LRRC37A2: variants seen among roughly 807,000 people sequenced by gnomAD.
LRRC37A2 encodes leucine-rich repeat-containing protein 37A2.
LRRC37A2 carries 9 observed loss-of-function variants against 68.8 expected under a neutral mutation model. That is an observed-to-expected ratio of 0.13 (90% CI 0.08 to 0.23). The LOEUF (loss-of-function observed/expected upper bound fraction) is 0.23. Among genes scored for constraint, LRRC37A2 ranks in the 10% least tolerant of loss-of-function variants. The pLI is 1.00. For synonymous variants in LRRC37A2, 63 were observed against 367.6 expected (o/e 0.17, Z 9.48); for missense variants, 168 against 950.4 (o/e 0.18, Z 10.82).
At chr17:46,815,937 C>CA in the LRRC37A2 span, among the ~76,000 whole-genome samples, 1 of 152,184 alleles carries the variant, frequency 6.6e-6, no homozygotes, top group Non-Finnish European at 1.5e-5. Context: ...CTGGGCCCAG[C>CA]ACCTGGGGAC....
At chr17:46,530,479 G>A (rs1180666777) in intron 6 of LRRC37A2, among the ~76,000 whole-genome samples, 2 of 132,314 alleles carry the variant, frequency 1.5e-5, no homozygotes, top group Non-Finnish European at 3.2e-5. Flanking sequence ...CACAAGGCAG[G>A]ACAAGCTGTG....
At chr17:46,869,011 C>T in the LRRC37A2 span, among the ~76,000 whole-genome samples, 1 of 152,186 alleles carries the variant, frequency 6.6e-6, no homozygotes, top group East Asian at 1.9e-4. Flanking sequence ...CAAACTGCAA[C>T]ACAGAAAATA....
the LRRC37A2 span, among the ~76,000 whole-genome samples, chr17:46,820,279 T>C: frequency 6.6e-6 from 1 of 151,872 alleles, no homozygotes; most frequent in Admixed American, 6.6e-5. Context: ...GGGCTTGTCA[T>C]GGCTCCTGCT....
chr17:46,874,343 C>G, the LRRC37A2 span, among the ~76,000 whole-genome samples: 1 of 152,186 alleles, frequency 6.6e-6, no homozygotes, highest in East Asian at 1.9e-4. Context: ...GCCCATGGGG[C>G]TTATCTCAGG....
At chr17:46,860,253 C>T in the LRRC37A2 span, among the ~76,000 whole-genome samples, 42 of 152,160 alleles carry the variant, frequency 2.8e-4, no homozygotes, top group South Asian at 3.8e-3. Context: ...AGGAGGGAAG[C>T]GGGGCCGGCA....
At chr17:46,916,742 A>G in the LRRC37A2 span, 2 of 152,226 alleles carry the variant, frequency 1.3e-5, 1 homozygote, top group South Asian at 4.1e-4. Flanking sequence ...CCATAATAGA[A>G]TACCACACAC....
At chr17:47,019,124 A>C in the LRRC37A2 span, 1 of 1,268,618 alleles carries the variant, frequency 7.9e-7, no homozygotes, top group East Asian at 2.3e-5. Flanking sequence ...CTGAGGTGAC[A>C]CTTCCACATC....
the LRRC37A2 span, among the ~76,000 whole-genome samples, chr17:46,900,204 C>CATACATATATATATACACACACACAG: frequency 8.9e-6 from 1 of 112,080 alleles, no homozygotes; most frequent in African/African-American, 4.5e-5. Context: ...TATATATATA[C>CATACATATATATATACACACACACAG]ACACACACAC....
the LRRC37A2 span, among the ~76,000 whole-genome samples, chr17:46,920,573 A>G: frequency 6.6e-6 from 1 of 152,164 alleles, no homozygotes; most frequent in African/African-American, 2.4e-5. Context: ...GGAATAGTAG[A>G]TAAGCTTGGA....
the LRRC37A2 span, among the ~76,000 whole-genome samples, chr17:47,038,114 G>T: frequency 2.6e-5 from 4 of 152,050 alleles, no homozygotes; most frequent in Admixed American, 6.6e-5. Context: ...GGCCAGCCAG[G>T]GCAACATACT....
chr17:47,018,045 C>G, the LRRC37A2 span: 1 of 1,506,946 alleles, frequency 6.6e-7, no homozygotes. Context: ...AGTTCAACCT[C>G]CAGGTGAGGA....
chr17:46,876,559 C>T, the LRRC37A2 span: 1 of 1,613,652 alleles, frequency 6.2e-7, no homozygotes, highest in Non-Finnish European at 8.5e-7. Flanking sequence ...GTAGGGTGTG[C>T]TCCCGGGAGG....
At chr17:46,711,059 C>T in the LRRC37A2 span, 3 of 1,587,136 alleles carry the variant, frequency 1.9e-6, no homozygotes, top group Admixed American at 5.6e-5. Flanking sequence ...TGATGGGGAG[C>T]TGCTGGTGCA....
chr17:46,814,496 G>A, the LRRC37A2 span, among the ~76,000 whole-genome samples: 8 of 152,100 alleles, frequency 5.3e-5, no homozygotes, highest in South Asian at 4.1e-4. Flanking sequence ...TAATTTCCCC[G>A]CCATATCCCC....
chr17:46,726,498 G>A, the LRRC37A2 span: 1 of 1,541,918 alleles, frequency 6.5e-7, no homozygotes, highest in African/African-American at 1.4e-5. Flanking sequence ...CTTGGAAATT[G>A]TCGTAACTGT....
chr17:46,497,718 A>G, the LRRC37A2 span, among the ~76,000 whole-genome samples: 4 of 141,744 alleles, frequency 2.8e-5, no homozygotes, highest in East Asian at 6.2e-4. Context: ...ATGTATATCT[A>G]CATACATTGA....
the LRRC37A2 span, chr17:46,851,730 C>T: frequency 6.4e-6 from 8 of 1,258,538 alleles, no homozygotes; most frequent in East Asian, 2.5e-4. The surrounding 1 kb of genome is among the most constrained non-coding windows in gnomAD (Gnocchi z 4.3). Context: ...GTGCCCGCCG[C>T]GCCCCCCGCC....
Position 46,525,618 on chromosome 17 carries a change from ATCATC to A in LRRC37A2, c.2906+1735_2906+1739del, listed in dbSNP as rs1567942048. Among the ~76,000 whole-genome samples, 41 of 98,622 alleles carry A rather than the reference ATCATC, an allele frequency of 4.2e-4. 1 individual carries two copies. The highest frequency in any genetic ancestry group is 6.8e-4 in the African/African-American group (18 of 26,662). The allele number at this position is 98,622 out of a possible 152,430, so 64.7% of individuals were successfully genotyped here. Reference sequence around the variant, plus strand: ...TAATAATAATATAATAATAATAATCATCATCATCATCATCATCATCATCATCATCT... The same window carrying A: ...TAATAATAATATAATAATAATAATCAATCATCATCATCATCATCATCATCT... On this transcript the variant is annotated intron_variant, in intron 6 of 14. Coordinates refer to ENST00000576629, the Ensembl canonical transcript of LRRC37A2.
At chr17:46,714,030 G>C in the LRRC37A2 span, 1 of 1,500,674 alleles carries the variant, frequency 6.7e-7, no homozygotes, top group Non-Finnish European at 9.0e-7. Flanking sequence ...TCTCTTAAAT[G>C]TGTGTGTGTG....
Sources: gnomAD v4.1 joint callset for allele counts (sites outside exome capture counted in the v4.1 genomes callset) on GRCh38, gnomAD v4.1.1 for gene constraint, Gnocchi (gnomAD v3.1) non-coding constraint, MANE v1.5 for transcripts, NCBI Gene and HGNC (gene_info 2026-07-23, HGNC 2026-07-21) for gene names.